BACE1: variants seen among roughly 807,000 people sequenced by gnomAD.
BACE1 encodes APP beta-secretase.
BACE1 carries 21 observed loss-of-function variants against 54.0 expected under a neutral mutation model. The ratio of observed to expected loss-of-function variants is 0.39; its 90% CI spans 0.28 to 0.56. The LOEUF is 0.56. BACE1 is among the 20% of genes least tolerant of loss of function. The pLI, the probability that BACE1 is intolerant of heterozygous loss-of-function variation, is 0.63. For synonymous variants in BACE1, 232 were observed against 260.9 expected (o/e 0.89, Z 1.07); for missense variants, 511 against 661.2 (o/e 0.77, Z 2.49).
chr11:117,301,008 T>TG lies in BACE1; in HGVS notation c.262-4048dup, dbSNP rs1491577451. ...CGCATTCCTCAACCCATTCTAAAAC[T>TG]GGGTTTCGCCTCCATTCCTCCACTA... is the stretch of plus-strand genomic sequence containing the variant. On this transcript the variant is annotated intron_variant, in intron 1 of 8. Coordinates refer to ENST00000313005, the MANE Select transcript of BACE1 (RefSeq NM_012104.6). Among the ~76,000 whole-genome samples the TG allele has an allele frequency of 2.0e-5, 3 of 152,150 alleles. No individual in the cohort carries two copies. In the East Asian group the frequency reaches 5.8e-4, roughly 29 times the overall value.
Position 117,289,742 on chromosome 11 carries a change from C to T in BACE1, c.1330G>A (p.Gly444Ser), listed in dbSNP as rs2034362417. Residue 444 changes from glycine (G) to serine (S), a missense_variant, in exon 9 of 9, where the codon GGC becomes AGC. Physicochemically the swap from Gly to Ser is moderately conservative, Grantham distance 56. Coordinates refer to ENST00000313005, the MANE Select transcript of BACE1 (RefSeq NM_012104.6). ...TCATCTGTCTGTGGAATGTTGTAGC[C>T]ACAGTCTTCCATGTCCAAGGTGACA... Reference protein sequence around the residue: ...PFVTLDMEDCGYNIPQTDEST... With the variant: ...PFVTLDMEDCSYNIPQTDEST... The T allele has an allele frequency of 6.2e-7, 1 of 1,614,210 alleles. No homozygotes were observed. The highest frequency in any genetic ancestry group is 1.1e-5 in the South Asian group (1 of 91,082).
chr11:117,292,140 A>C (rs1246327512), intron 5 of BACE1: 3 of 163,248 alleles, frequency 1.8e-5, no homozygotes, highest in Non-Finnish European at 2.6e-5. Context: ...TCCAAACTTG[A>C]AAATAAAAAT....
intron 1 of BACE1, among the ~76,000 whole-genome samples, chr11:117,298,874 C>T (rs1472430553): frequency 2.6e-5 from 4 of 152,176 alleles, no homozygotes; most frequent in East Asian, 1.9e-4. Context: ...GGCGCGATCT[C>T]GGCTCACTGC....
In BACE1 at chr11:117,290,523, C is replaced by T. The variant is rs371130142; in HGVS notation, c.1229G>A (p.Arg410Gln). The T allele has an allele frequency of 7.3e-5, 118 of 1,614,182 alleles. No homozygotes were observed. Among genetic ancestry groups the T allele is most frequent in the Non-Finnish European group, 9.0e-5 (106 of 1,180,028 alleles). Reference sequence around the variant, plus strand: ...GCTGACAGCAAAGCCAATTCGTTTTCGGGCCCGATCAAAGACAACGTAGAA... The same window carrying T: ...GCTGACAGCAAAGCCAATTCGTTTTTGGGCCCGATCAAAGACAACGTAGAA... ...EGFYVVFDRA[R>Q]KRIGFAVSAC... The change falls in exon 8 of 9, where the codon CGA becomes CAA. Residue 410 changes from arginine to glutamine, a missense_variant. Coordinates refer to ENST00000313005, the MANE Select transcript of BACE1 (RefSeq NM_012104.6).
rs1020968326 is a variant in BACE1 at position 117,288,518 on chromosome 11, G to C, written c.*1048C>G. On this transcript the variant is annotated 3_prime_UTR_variant, in exon 9 of 9. Transcript: ENST00000313005. Reference sequence around the variant, plus strand: ...CCTACCTATTCCTTTTAGCACCTTGGCTGCAAAGCTCCAGAGGAAGATTTG... The same window carrying C: ...CCTACCTATTCCTTTTAGCACCTTGCCTGCAAAGCTCCAGAGGAAGATTTG... The C allele has an allele frequency of 2.0e-5, 3 of 152,612 alleles. No individual in the cohort carries two copies. The highest frequency in any genetic ancestry group is 7.2e-5 in the African/African-American group (3 of 41,428). The allele number at this position is 152,612 out of a possible 1,614,324, so 9.5% of individuals were successfully genotyped here.
Position 117,298,587 on chromosome 11 carries a change from A to C in BACE1, c.262-1626T>G, listed in dbSNP as rs568854100. On this transcript the variant is annotated intron_variant, in intron 1 of 8. Coordinates refer to ENST00000313005, the MANE Select transcript of BACE1 (RefSeq NM_012104.6). ...GGACCTGTGGGGACCAGGATGGCAC[A>C]TCAGTGTCCATGCGTGTGGTTCTGT... 5.4e-4 allele frequency among the ~76,000 whole-genome samples: 82 copies of C among 152,360 alleles called. 1 individual carries two copies. The highest frequency in any genetic ancestry group is 1.0e-3 in the Non-Finnish European group (70 of 68,040).
At chr11:117,302,248 G>A (rs192209842) in intron 1 of BACE1, among the ~76,000 whole-genome samples, 8 of 152,232 alleles carry the variant, frequency 5.3e-5, no homozygotes, top group African/African-American at 1.7e-4. Context: ...CAGGAGAATC[G>A]TTTGAACCTG....
At chr11:117,301,074 C>G (rs1407341720) in intron 1 of BACE1, among the ~76,000 whole-genome samples, 5 of 152,154 alleles carry the variant, frequency 3.3e-5, no homozygotes, top group African/African-American at 1.2e-4. Context: ...CTTCATGTCA[C>G]CAAACACTGA....
intron 1 of BACE1, among the ~76,000 whole-genome samples, chr11:117,304,729 A>G (rs910365857): frequency 6.6e-6 from 1 of 152,128 alleles, no homozygotes; most frequent in Non-Finnish European, 1.5e-5. Context: ...CCTCTTGCAA[A>G]TCCTCAGTAG....
intron 1 of BACE1, among the ~76,000 whole-genome samples, chr11:117,313,239 C>G (rs1180545522): frequency 6.6e-6 from 1 of 152,154 alleles, no homozygotes; most frequent in Non-Finnish European, 1.5e-5. Flanking sequence ...CACACAGTTG[C>G]TTTAGTTGTG....
chr11:117,290,830 GCCATACCTGC>G, intron 7 of BACE1, 60 bp downstream of exon 7: 1 of 1,577,962 alleles, frequency 6.3e-7, no homozygotes, highest in Non-Finnish European at 8.6e-7. Context: ...GTTCTGGCAA[GCCATACCTGC>G]TCACTGTCTC....
At chr11:117,298,589 C>T (rs570549480) in intron 1 of BACE1, among the ~76,000 whole-genome samples, 2 of 152,324 alleles carry the variant, frequency 1.3e-5, no homozygotes, top group Admixed American at 1.3e-4. Flanking sequence ...GATGGCACAT[C>T]AGTGTCCATG....
chr11:117,296,405 T>G (rs1257645104), intron 2 of BACE1, among the ~76,000 whole-genome samples: 1 of 152,146 alleles, frequency 6.6e-6, no homozygotes, highest in Non-Finnish European at 1.5e-5. Context: ...CTTTCCTTCA[T>G]GTCCTTGGAC....
chr11:117,301,586 G>C (rs2034727055), intron 1 of BACE1, among the ~76,000 whole-genome samples: 1 of 151,684 alleles, frequency 6.6e-6, no homozygotes, highest in African/African-American at 2.4e-5. Flanking sequence ...TCCAGCCTGG[G>C]TGACAGAACA....
intron 1 of BACE1, among the ~76,000 whole-genome samples, chr11:117,305,586 A>G (rs1035059987): frequency 1.1e-4 from 17 of 151,500 alleles, no homozygotes; most frequent in Admixed American, 2.0e-4. Context: ...AACCTTATCT[A>G]GTATACCTTT....
chr11:117,315,445 A>G lies in BACE1; in HGVS notation c.261+90T>C. On this transcript the variant is annotated intron_variant, in intron 1 of 8. Transcript: ENST00000313005. This position sits in a 1 kb window ranked among gnomAD's most constrained non-coding sequence, Gnocchi z 5.5. ...TCCCTCCTGCTGTCCCCACCAGCCC[A>G]TTTGAGCAGGGGCTAGCTTGAGGCA... 1 of 1,493,258 alleles carries G rather than the reference A, an allele frequency of 6.7e-7. No homozygotes were observed. The highest frequency in any genetic ancestry group is 2.7e-5 in the East Asian group (1 of 36,956). The allele number at this position is 1,493,258 out of a possible 1,614,324, so 92.5% of individuals were successfully genotyped here.
chr11:117,293,006 G>A lies in BACE1; in HGVS notation c.840+48C>T. On this transcript the variant is annotated intron_variant, in intron 5 of 8. Coordinates refer to ENST00000313005, the MANE Select transcript of BACE1 (RefSeq NM_012104.6). This position sits in a 1 kb window ranked among gnomAD's most constrained non-coding sequence, Gnocchi z 4.1. ...GATAACCAGAGTCTTCCTTCACATT[G>A]TACTGCCTACCCCCTTATGTTCCCA... 1 of 1,601,128 alleles carries A rather than the reference G, an allele frequency of 6.2e-7. No homozygotes were observed. The highest frequency in any genetic ancestry group is 8.5e-7 in the Non-Finnish European group (1 of 1,172,980).
intron 1 of BACE1, chr11:117,299,729 G>A (rs1033221984): frequency 2.7e-6 from 1 of 364,746 alleles, no homozygotes; most frequent in Admixed American, 3.7e-5. Context: ...CAATAGAGCT[G>A]GGAGGCTCAG....
chr11:117,299,871 C>T (rs941558282), intron 1 of BACE1, among the ~76,000 whole-genome samples: 6 of 152,206 alleles, frequency 3.9e-5, no homozygotes, highest in African/African-American at 1.4e-4. Context: ...ACAGGGCTCC[C>T]TGCTATCACT....
Sources: allele counts gnomAD v4.1 joint callset (sites outside exome capture counted in the v4.1 genomes callset), GRCh38; gene constraint gnomAD v4.1.1; non-coding constraint Gnocchi (gnomAD v3.1); transcripts MANE v1.5; gene names NCBI Gene and HGNC (gene_info 2026-07-23, HGNC 2026-07-21).